Variants in ASCC3 observed in about 807,000 individuals in gnomAD.
ASCC3 encodes the protein ASC-1 complex subunit P200.
A neutral mutation model predicts 256.3 loss-of-function variants in ASCC3; 158 were observed. The observed-to-expected ratio is 0.62, with a 90% CI of 0.54 to 0.70. The LOEUF (loss-of-function observed/expected upper bound fraction) is 0.70. Among genes scored for constraint, ASCC3 ranks in the 30% least tolerant of loss-of-function variants. ASCC3 has a pLI of 0.00. For missense variants in ASCC3, 2,259 were observed against 2,626.0 expected (o/e 0.86, Z 3.05); for synonymous variants, 948 against 883.4 (o/e 1.07, Z -1.30).
At chr6:100,834,077 T>A (rs1160389787) in intron 4 of ASCC3, among the ~76,000 whole-genome samples, 1 of 152,086 alleles carries the variant, frequency 6.6e-6, no homozygotes, top group Non-Finnish European at 1.5e-5. Flanking sequence ...TAAACAAAAA[T>A]TATCTAGCTA....
At chr6:100,542,009 G>C (rs1252639918) in intron 36 of ASCC3, among the ~76,000 whole-genome samples, 1 of 152,006 alleles carries the variant, frequency 6.6e-6, no homozygotes, top group African/African-American at 2.4e-5. Flanking sequence ...GAAACACAAA[G>C]AGAAAAAAGA....
At chr6:100,727,682 A>AACAACAACAACAACAAC (rs1554220776) in intron 10 of ASCC3, among the ~76,000 whole-genome samples, 1 of 144,810 alleles carries the variant, frequency 6.9e-6, no homozygotes, top group East Asian at 2.1e-4. Flanking sequence ...ACAACAACAA[A>AACAACAACAACAACAAC]AAAGGGTCTA....
At chr6:100,792,498 AC>A (rs1246805983) in intron 8 of ASCC3, among the ~76,000 whole-genome samples, 3 of 151,914 alleles carry the variant, frequency 2.0e-5, no homozygotes, top group African/African-American at 7.2e-5. Context: ...TGTGTGGCAT[AC>A]ACCACCACCT....
intron 8 of ASCC3, among the ~76,000 whole-genome samples, chr6:100,775,358 C>T (rs2115154550): frequency 6.6e-6 from 1 of 152,054 alleles, no homozygotes; most frequent in South Asian, 2.1e-4. Context: ...CTGGAAACAT[C>T]TCTAAAAGAT....
At chr6:100,727,221 T>G (rs923453695) in intron 10 of ASCC3, among the ~76,000 whole-genome samples, 2 of 151,952 alleles carry the variant, frequency 1.3e-5, no homozygotes, top group Admixed American at 6.6e-5. Flanking sequence ...AGTAAAAATT[T>G]TAATCTAAAC....
At chr6:100,541,888 A>G (rs1354546318) in intron 36 of ASCC3, among the ~76,000 whole-genome samples, 2 of 152,226 alleles carry the variant, frequency 1.3e-5, no homozygotes, top group African/African-American at 4.8e-5. Context: ...AAATTTCTAG[A>G]GATGAAAATT....
intron 36 of ASCC3, among the ~76,000 whole-genome samples, chr6:100,575,651 T>G (rs1005154912): frequency 6.6e-6 from 1 of 152,074 alleles, no homozygotes; most frequent in Admixed American, 6.6e-5. Flanking sequence ...ACTTTTAATA[T>G]TCGATATATA....
intron 12 of ASCC3, among the ~76,000 whole-genome samples, 197 bp from the exon 13 acceptor site, chr6:100,715,730 G>T (rs6907444): frequency 0.46 from 68,764 of 151,064 alleles, 15,846 homozygotes; most frequent in South Asian, 0.61. Context: ...AGTACAAATA[G>T]AGTAACTCAG....
intron 4 of ASCC3, among the ~76,000 whole-genome samples, chr6:100,847,525 G>A (rs935768786): frequency 9.9e-5 from 15 of 151,980 alleles, no homozygotes; most frequent in African/African-American, 3.6e-4. Context: ...TATTTTTTCT[G>A]TATTTCCAAT....
intron 10 of ASCC3, among the ~76,000 whole-genome samples, chr6:100,736,421 A>T (rs1234893977): frequency 6.6e-6 from 1 of 152,084 alleles, no homozygotes; most frequent in Non-Finnish European, 1.5e-5. Context: ...GAATCGCTTG[A>T]ACCAGGGAGG....
intron 37 of ASCC3, among the ~76,000 whole-genome samples, chr6:100,522,830 T>C (rs1468314218): frequency 1.3e-5 from 2 of 151,398 alleles, no homozygotes; most frequent in East Asian, 1.9e-4. Flanking sequence ...TAAGGTTGCA[T>C]AGCTCTGGTA....
At chr6:100,874,264 G>T (rs1003589182) in intron 1 of ASCC3, among the ~76,000 whole-genome samples, 10 of 151,916 alleles carry the variant, frequency 6.6e-5, no homozygotes, top group African/African-American at 2.2e-4. Flanking sequence ...TCAAGAGATT[G>T]AGACCATCCT....
At chr6:100,830,041 C>T (rs1771545576) in intron 4 of ASCC3, among the ~76,000 whole-genome samples, 1 of 151,958 alleles carries the variant, frequency 6.6e-6, no homozygotes, top group African/African-American at 2.4e-5. Context: ...CAAGATGGTA[C>T]AAGACTACCC....
intron 11 of ASCC3, among the ~76,000 whole-genome samples, chr6:100,723,863 TA>T (rs1562251151): frequency 1.2e-3 from 8 of 6,710 alleles, no homozygotes; most frequent in Non-Finnish European, 2.4e-3. Context: ...TAGGGAATTA[TA>T]TATATATATA....
Position 100,823,324 on chromosome 6 carries a change from T to C in ASCC3, c.802-17444A>G, listed in dbSNP as rs191031250. 1.7e-4 allele frequency among the ~76,000 whole-genome samples: 26 copies of C among 152,202 alleles called. No individual in the cohort carries two copies. The South Asian group carries it at 4.2e-3, about 24-fold the overall frequency. ...GCACAGATACAAGTTCCTGAAGTTA[T>C]CAAATTAAAAACACAACAACAACAA... is the stretch of plus-strand genomic sequence containing the variant. On this transcript the variant is annotated intron_variant, in intron 4 of 41. Coordinates refer to ENST00000369162, the MANE Select transcript of ASCC3 (RefSeq NM_006828.4).
intron 10 of ASCC3, among the ~76,000 whole-genome samples, chr6:100,728,203 A>AT (rs1282527686): frequency 5.5e-4 from 83 of 152,106 alleles, no homozygotes; most frequent in African/African-American, 1.9e-3. Context: ...ATGAATATAT[A>AT]TTTTTTCATA....
Position 100,787,917 on chromosome 6 carries a change from G to A in ASCC3, c.1395+10796C>T, listed in dbSNP as rs376905560. ...ACGAAGAAAATCTTAATAACCTCGCGTGAGGCAAAAATTGCTTACATATGA... is the reference window on the plus strand; with the variant it reads ...ACGAAGAAAATCTTAATAACCTCGCATGAGGCAAAAATTGCTTACATATGA... On this transcript the variant is annotated intron_variant, in intron 8 of 41. Transcript: ENST00000369162. Among the ~76,000 whole-genome samples, 342 of 150,944 alleles carry A rather than the reference G, an allele frequency of 2.3e-3. 1 individual carries two copies. Among genetic ancestry groups the A allele is most frequent in the Non-Finnish European group, 4.3e-3 (294 of 67,768 alleles).
At chr6:100,871,003 T>C (rs1243130014) in intron 1 of ASCC3, among the ~76,000 whole-genome samples, 1 of 152,218 alleles carries the variant, frequency 6.6e-6, no homozygotes. Context: ...GAGATGAGGT[T>C]TGAAAATTTA....
intron 14 of ASCC3, among the ~76,000 whole-genome samples, chr6:100,672,683 G>C (rs529814567): frequency 6.6e-6 from 1 of 152,006 alleles, no homozygotes; most frequent in Non-Finnish European, 1.5e-5. Flanking sequence ...TTAAATTCAA[G>C]ATCTGTAGTA....
Sources: gnomAD v4.1 joint callset for allele counts (sites outside exome capture counted in the v4.1 genomes callset) on GRCh38, gnomAD v4.1.1 for gene constraint, MANE v1.5 for transcripts, NCBI Gene and HGNC (gene_info 2026-07-23, HGNC 2026-07-21) for gene names.